RGS9: variants seen among roughly 807,000 people sequenced by gnomAD.
The protein encoded by RGS9 is regulator of G protein signaling 9.
In RGS9, 78 loss-of-function variants were observed where a neutral mutation model predicts 102.0. That is an observed-to-expected ratio of 0.76 (90% CI 0.64 to 0.92). The LOEUF is 0.92. Among genes scored for constraint, RGS9 ranks in the 40% least tolerant of loss-of-function variants. The probability of loss-of-function intolerance (pLI) is 0.00; values close to 1 mark genes in which losing one functional copy is unlikely to be tolerated. For missense variants in RGS9, 833 were observed against 866.1 expected, an observed-to-expected ratio of 0.96 and a Z score of 0.48; for synonymous variants, 353 against 318.6, an observed-to-expected ratio of 1.11 and a Z score of -1.15.
At position 65,227,607 on chromosome 17, in the gene RGS9, G is replaced by C; in HGVS notation, c.*200G>C. The C allele has an allele frequency of 1.5e-6, 1 of 681,470 alleles. No homozygotes were observed. Among genetic ancestry groups the C allele is most frequent in the Non-Finnish European group, 2.5e-6 (1 of 396,360 alleles). The allele number at this position is 681,470 out of a possible 1,614,324, so 42.2% of individuals were successfully genotyped here. On this transcript the variant is annotated 3_prime_UTR_variant, in exon 19 of 19. Transcript: ENST00000262406. Reference sequence around the variant, plus strand: ...GGGGCCAACTCCTTCTCCTCTTCCTGACCCTCCCTCCCCTGGGCAGAAGAA... The same window carrying C: ...GGGGCCAACTCCTTCTCCTCTTCCTCACCCTCCCTCCCCTGGGCAGAAGAA...
intron 9 of RGS9, among the ~76,000 whole-genome samples, chr17:65,187,291 A>G (rs4791223): frequency 0.3 from 45,493 of 152,106 alleles, 10,457 homozygotes; most frequent in African/African-American, 0.64. Flanking sequence ...TGATTCATAC[A>G]TTAAACAAAG....
intron 1 of RGS9, among the ~76,000 whole-genome samples, chr17:65,146,720 C>T (rs1163856777): frequency 6.6e-6 from 1 of 151,232 alleles, no homozygotes; most frequent in African/African-American, 2.4e-5. Context: ...CATGGTGAAA[C>T]CTCATCTCTA....
chr17:65,225,663 G>A, intron 18 of RGS9, 177 bp downstream of exon 18: 1 of 806,082 alleles, frequency 1.2e-6, no homozygotes, highest in Non-Finnish European at 2.0e-6. Flanking sequence ...TTTGTCCTCT[G>A]CTGTCCTCCC....
chr17:65,156,515 C>T (rs1178288478), intron 2 of RGS9, among the ~76,000 whole-genome samples: 2 of 152,182 alleles, frequency 1.3e-5, no homozygotes, highest in African/African-American at 4.8e-5. Context: ...AACAACAGCA[C>T]CGATAAAAAA....
chr17:65,204,219 A>C lies in RGS9; in HGVS notation c.1121A>C (p.Asp374Ala), dbSNP rs929177965. ...RWINIDGKTM[D>A]ITVKGLKHPH... The stretch of plus-strand genomic sequence containing the variant: ...ATCAACATAGATGGCAAAACCATGG[A>C]CATCACAGTGAAGGGGCTGAAGCAC... The change falls in exon 15 of 19, where the codon GAC becomes GCC. Residue 374 changes from aspartate to alanine, a missense_variant. Coordinates refer to ENST00000262406, the MANE Select transcript of RGS9 (RefSeq NM_003835.4). The C allele has an allele frequency of 1.9e-6, 3 of 1,613,326 alleles. No individual in the cohort carries two copies. Among genetic ancestry groups the C allele is most frequent in the Admixed American group, 3.3e-5 (2 of 60,026 alleles).
chr17:65,206,632 G>A (rs1567889069), intron 15 of RGS9, among the ~76,000 whole-genome samples: 1 of 152,126 alleles, frequency 6.6e-6, no homozygotes, highest in Non-Finnish European at 1.5e-5. Flanking sequence ...AGTTGAGATC[G>A]TGCCACTGCA....
At chr17:65,140,935 C>A (rs1910133607) in intron 1 of RGS9, among the ~76,000 whole-genome samples, 1 of 151,960 alleles carries the variant, frequency 6.6e-6, no homozygotes, top group African/African-American at 2.4e-5. Context: ...GGGTGGAATG[C>A]CTTCTCCCTG....
At chr17:65,152,214 A>G (rs1268339307) in intron 1 of RGS9, among the ~76,000 whole-genome samples, 1 of 152,174 alleles carries the variant, frequency 6.6e-6, no homozygotes, top group Non-Finnish European at 1.5e-5. Flanking sequence ...TGGCCCAGGT[A>G]GAGGGAAGAG....
At chr17:65,213,332 G>A (rs1598006529) in intron 17 of RGS9, among the ~76,000 whole-genome samples, 1 of 152,228 alleles carries the variant, frequency 6.6e-6, no homozygotes, top group East Asian at 1.9e-4. Context: ...GTGCTTGGCT[G>A]TGGCAGGCTC....
At chr17:65,208,477 G>T (rs1913156776) in intron 16 of RGS9, among the ~76,000 whole-genome samples, 1 of 152,058 alleles carries the variant, frequency 6.6e-6, no homozygotes, top group African/African-American at 2.4e-5. Flanking sequence ...GCTGCCTCCG[G>T]GGACCATGTT....
At position 65,197,142 on chromosome 17, in the gene RGS9, A is replaced by C. The variant is rs1162849384; in HGVS notation, c.877A>C (p.Lys293Gln). 1 of 1,613,552 alleles carries C rather than the reference A, an allele frequency of 6.2e-7. No individual in the cohort carries two copies. Among genetic ancestry groups the C allele is most frequent in the Non-Finnish European group, 8.5e-7 (1 of 1,179,720 alleles). ...TCCTTGCAGGGTGGAAATCCCAACC[A>C]AGATGCGAGTGGAACGATGGGCCTT... Reference protein sequence around the residue: ...LNAKLVEIPTKMRVERWAFNF... With the variant: ...LNAKLVEIPTQMRVERWAFNF... The change falls in exon 13 of 19, where the codon AAG (lysine) becomes CAG (glutamine). Residue 293 changes from lysine (K) to glutamine (Q), a missense_variant. Around this residue, in one of 3 missense-constraint regions of RGS9, gnomAD observed 185 missense variants for 248.7 expected, o/e 0.74. Coordinates refer to ENST00000262406, the MANE Select transcript of RGS9 (RefSeq NM_003835.4).
rs1474674079 is a variant in RGS9, at chr17:65,193,559, G to A, written c.763G>A (p.Glu255Lys). Residue 255 changes from glutamate (E) to lysine (K), a missense_variant, in exon 12 of 19, where the codon GAG becomes AAG. Around this residue, in one of 3 missense-constraint regions of RGS9, gnomAD observed 328 missense variants for 340.6 expected, o/e 0.96. Coordinates refer to ENST00000262406, the MANE Select transcript of RGS9 (RefSeq NM_003835.4). ...CCTTTTCAGGATTGTGAAATACAGT[G>A]AGCAGTTCTCATCCAACGATGCCAT... ...VSLGGIVKYSEQFSSNDAIMS... is the reference protein window; with the variant it reads ...VSLGGIVKYSKQFSSNDAIMS... 11 of 1,611,348 alleles carry A rather than the reference G, an allele frequency of 6.8e-6. No individual in the cohort carries two copies. The highest frequency in any genetic ancestry group is 8.5e-6 in the Non-Finnish European group (10 of 1,177,586).
Position 65,227,091 on chromosome 17 carries a change from G to T in RGS9, c.1893-184G>T, listed in dbSNP as rs150980061. 1.9e-3 allele frequency among the ~76,000 whole-genome samples: 292 copies of T among 152,288 alleles called. 2 individuals carry two copies. Among genetic ancestry groups the T allele is most frequent in the African/African-American group, 6.9e-3 (286 of 41,548 alleles). ...ATCCCCAATAAAAAGATTCCACCAAGCCAATCACTGCACACACAACCTTTG... is the reference window on the plus strand; with the variant it reads ...ATCCCCAATAAAAAGATTCCACCAATCCAATCACTGCACACACAACCTTTG... On this transcript the variant is annotated intron_variant, in intron 18 of 18. Transcript: ENST00000262406.
rs1394741969 is a variant in RGS9 at position 65,204,285 on chromosome 17, A to G, written c.1187A>G (p.Tyr396Cys). The G allele has an allele frequency of 5.6e-6, 9 of 1,613,784 alleles. No individual in the cohort carries two copies. The highest frequency in any genetic ancestry group is 7.6e-6 in the Non-Finnish European group (9 of 1,180,044). The change falls in exon 15 of 19, where the codon TAC becomes TGC. Residue 396 changes from tyrosine to cysteine, a missense_variant. By Grantham distance (194) the Tyr-to-Cys change is radical (BLOSUM62 -2). Coordinates refer to ENST00000262406, the MANE Select transcript of RGS9 (RefSeq NM_003835.4). The stretch of plus-strand genomic sequence containing the variant: ...CTGGACGCCGCACAAACCCACATTT[A>G]CATGCTCATGAAGAAGGTAGGTGGG... ...YVLDAAQTHIYMLMKKDSYAR... is the reference protein window; with the variant it reads ...YVLDAAQTHICMLMKKDSYAR...
intron 9 of RGS9, among the ~76,000 whole-genome samples, chr17:65,180,199 G>A (rs901736957): frequency 6.6e-6 from 1 of 152,162 alleles, no homozygotes; most frequent in Non-Finnish European, 1.5e-5. Flanking sequence ...CCTGAGAGAA[G>A]AGGGTTGCCA....
chr17:65,224,924 A>G, intron 17 of RGS9, 78 bp from the exon 18 acceptor site: 1 of 1,586,230 alleles, frequency 6.3e-7, no homozygotes, highest in Non-Finnish European at 8.6e-7. Flanking sequence ...GGACTAAGTT[A>G]GCAGAGGACA....
intron 16 of RGS9, among the ~76,000 whole-genome samples, chr17:65,210,218 A>G (rs1913237389): frequency 6.6e-6 from 1 of 152,222 alleles, no homozygotes; most frequent in Non-Finnish European, 1.5e-5. Flanking sequence ...ATTTCTACAT[A>G]CTGTAGAAGT....
Position 65,202,061 on chromosome 17 carries a change from A to G in RGS9, c.1045A>G (p.Lys349Glu). 6.2e-7 allele frequency: 1 copy of G among 1,613,252 alleles called. No individual in the cohort carries two copies. Among genetic ancestry groups the G allele is most frequent in the South Asian group, 1.1e-5 (1 of 91,066 alleles). Residue 349 changes from lysine to glutamate, a missense_variant, in exon 14 of 19, where the codon AAA (lysine) becomes GAA (glutamate). By Grantham distance (56) the Lys-to-Glu change is moderately conservative (BLOSUM62 1). This residue lies in a region of RGS9 where 185 missense variants were observed against 248.7 expected (regional missense o/e 0.74). Transcript: ENST00000262406. ...TGGAGATCAGTCCAAAGTCAAGGAG[A>G]AAGCAGAGGAGATTTACAAGTGAGC... ...KYGDQSKVKE[K>E]AEEIYKLFLA...
At chr17:65,190,733 C>A (rs60834261) in intron 11 of RGS9, among the ~76,000 whole-genome samples, 8 of 152,208 alleles carry the variant, frequency 5.3e-5, no homozygotes, top group Non-Finnish European at 1.2e-4. Flanking sequence ...CCCAGCCCCC[C>A]ATAGGACATC....
Sources: gnomAD v4.1 joint callset for allele counts (sites outside exome capture counted in the v4.1 genomes callset) on GRCh38, gnomAD v4.1.1 for gene constraint, gnomAD v4.1.1 regional missense constraint, MANE v1.5 for transcripts, NCBI Gene and HGNC (gene_info 2026-07-23, HGNC 2026-07-21) for gene names.